The following SEPTIN6 variants were observed in gnomAD, a reference collection of about 807,000 sequenced individuals.
The protein encoded by SEPTIN6 is septin 6.
Under a neutral mutation model 33.6 loss-of-function variants are expected in SEPTIN6, and 8 were observed. The ratio of observed to expected loss-of-function variants is 0.24; its 90% confidence interval spans 0.14 to 0.43. The LOEUF (loss-of-function observed/expected upper bound fraction) is 0.43, where lower values mean the gene tolerates loss of function less well. Ranked by LOEUF, SEPTIN6 falls within the 20% of genes least tolerant of loss-of-function variation. The pLI is 1.00. For synonymous variants in SEPTIN6, 131 were observed against 140.0 expected (o/e 0.94, Z 0.45); for missense variants, 250 against 340.8 (o/e 0.73, Z 2.10).
In SEPTIN6 at chrX:119,673,841, CAAAAAAAAAA is replaced by C. The variant is rs774954935; in HGVS notation, c.145+1703_145+1712del. ...TGGGTGACAGCACAAGACTCTGTCT[CAAAAAAAAAA>C]AAAAAAAAAAGAAAGAAAGAAAAGA... On this transcript the variant is annotated intron_variant, in intron 2 of 10. Transcript: ENST00000394610. 5.2e-4 allele frequency among the ~76,000 whole-genome samples: 20 copies of C among 38,189 alleles called. 3 individuals are homozygous for C. The South Asian group carries it at 0.034, about 65-fold the overall frequency. 33.2% of individuals were successfully genotyped at this position (38,189 alleles called of 115,157 possible).
At chrX:119,667,719 G>A (rs2054668571) in intron 2 of SEPTIN6, among the ~76,000 whole-genome samples, 1 of 110,084 alleles carries the variant, frequency 9.1e-6, no homozygotes. Context: ...AGGCACACGT[G>A]ACCTAACTGG....
At chrX:119,663,456 C>CAA in intron 3 of SEPTIN6, 26 bp downstream of exon 3, 4 of 808,508 alleles carry the variant, frequency 4.9e-6, no homozygotes, top group Non-Finnish European at 7.3e-6. Context: ...CCTCCCCACC[C>CAA]TACCCCACCC....
chrX:119,623,533 T>A (rs2053802892), intron 10 of SEPTIN6, among the ~76,000 whole-genome samples: 2 of 111,505 alleles, frequency 1.8e-5, no homozygotes, highest in African/African-American at 6.5e-5. Context: ...CGGTAAAGTT[T>A]AAAAAAAATA....
intron 1 of SEPTIN6, among the ~76,000 whole-genome samples, chrX:119,675,891 G>A (rs746421688): frequency 2.7e-5 from 3 of 110,519 alleles, no homozygotes; most frequent in East Asian, 2.8e-4. Flanking sequence ...AGTGAATGTC[G>A]CCACAGCTCC....
downstream of SEPTIN6, chrX:119,616,560 C>A (rs748408728): frequency 3.4e-6 from 2 of 585,854 alleles, no homozygotes; most frequent in East Asian, 6.6e-5. Flanking sequence ...GAGCTTCTTG[C>A]CTGGACACAG....
intron 9 of SEPTIN6, among the ~76,000 whole-genome samples, chrX:119,626,110 C>T (rs1375610257): frequency 3.6e-5 from 4 of 112,098 alleles, no homozygotes; most frequent in Non-Finnish European, 7.5e-5. Context: ...ACAGGTCATT[C>T]TGTTAGGCCC....
chrX:119,637,973 C>T lies in SEPTIN6; in HGVS notation c.788-778G>A, dbSNP rs1355165709. 1.8e-5 allele frequency among the ~76,000 whole-genome samples: 2 copies of T among 112,184 alleles called. 1 individual carries two copies. The highest frequency in any genetic ancestry group is 1.9e-4 in the Admixed American group (2 of 10,496). On this transcript the variant is annotated intron_variant, in intron 6 of 10. Coordinates refer to ENST00000394610, the MANE Select transcript of SEPTIN6 (RefSeq NM_145799.4). ...TCTGGAAGGAAGAATAGCAATTTAT[C>T]AGCCAGAGAAGGGAATGGTGTTTGC...
intron 3 of SEPTIN6, among the ~76,000 whole-genome samples, chrX:119,655,118 A>G (rs1191377511): frequency 9.2e-6 from 1 of 108,909 alleles, no homozygotes; most frequent in Non-Finnish European, 1.9e-5. Context: ...TCCCCCACAC[A>G]CCCCGAAATC....
At chrX:119,670,040 C>T (rs2054714388) in intron 2 of SEPTIN6, among the ~76,000 whole-genome samples, 1 of 111,684 alleles carries the variant, frequency 9.0e-6, no homozygotes, top group Non-Finnish European at 1.9e-5. Flanking sequence ...TGCAAAGCAA[C>T]GGGCCCCAGA....
Position 119,629,279 on chromosome X carries a change from G to C in SEPTIN6, c.1280+39C>G, listed in dbSNP as rs374681144. On this transcript the variant is annotated intron_variant, in intron 9 of 10. Coordinates refer to ENST00000394610, the MANE Select transcript of SEPTIN6 (RefSeq NM_145799.4). ...CCTGCCCTGGGAGGATGAGCAGGAG[G>C]AAAGAGAAGGCACCACCCCAGAGCA... 3 of 1,176,996 alleles carry C rather than the reference G, an allele frequency of 2.5e-6. No homozygotes were observed. The African/African-American group carries it at 5.3e-5, about 21-fold the overall frequency.
chrX:119,634,958 G>A (rs901623651), intron 7 of SEPTIN6, among the ~76,000 whole-genome samples: 17 of 101,844 alleles, frequency 1.7e-4, no homozygotes, highest in Non-Finnish European at 3.0e-4. Context: ...GCAGTGAGCC[G>A]AGATTGTGCC....
At chrX:119,640,118 C>T (rs1360575449) in intron 6 of SEPTIN6, among the ~76,000 whole-genome samples, 2 of 102,687 alleles carry the variant, frequency 1.9e-5, no homozygotes, top group African/African-American at 7.1e-5. Context: ...AGCCCCAACA[C>T]GTAGTTTTTT....
At chrX:119,670,306 C>T (rs1391653202) in intron 2 of SEPTIN6, among the ~76,000 whole-genome samples, 1 of 110,491 alleles carries the variant, frequency 9.1e-6, no homozygotes, top group Non-Finnish European at 1.9e-5. Context: ...GCCTATAATC[C>T]CAGCATTTTG....
At chrX:119,671,268 A>G (rs1202506182) in intron 2 of SEPTIN6, among the ~76,000 whole-genome samples, 4 of 108,643 alleles carry the variant, frequency 3.7e-5, no homozygotes, top group Non-Finnish European at 7.7e-5. Flanking sequence ...CAACATAGTG[A>G]GACCTCATCT....
chrX:119,683,705 ATTTTAC>A (rs914712708), intron 1 of SEPTIN6, among the ~76,000 whole-genome samples: 6 of 111,621 alleles, frequency 5.4e-5, no homozygotes, highest in Non-Finnish European at 9.4e-5. Context: ...CAATAGGCAT[ATTTTAC>A]TTTTATAAAC....
intron 2 of SEPTIN6, among the ~76,000 whole-genome samples, chrX:119,668,907 A>C (rs1434729219): frequency 1.8e-5 from 2 of 111,114 alleles, no homozygotes; most frequent in Non-Finnish European, 3.8e-5. Context: ...CACTGAACCC[A>C]ATTTGTAGTC....
chrX:119,690,348 T>TACACACACACACACACACAC (rs1196119691), intron 1 of SEPTIN6, among the ~76,000 whole-genome samples: 2 of 75,015 alleles, frequency 2.7e-5, no homozygotes, highest in African/African-American at 1.4e-4. Context: ...TACATACACA[T>TACACACACACACACACACAC]ACACACACAC....
chrX:119,658,809 T>C (rs749974166), intron 3 of SEPTIN6, among the ~76,000 whole-genome samples: 3 of 112,503 alleles, frequency 2.7e-5, no homozygotes, highest in Non-Finnish European at 5.6e-5. Context: ...TGTACATAAG[T>C]ATTTCCCCTT....
intron 3 of SEPTIN6, among the ~76,000 whole-genome samples, chrX:119,654,747 A>G (rs1221233659): frequency 1.8e-5 from 2 of 111,181 alleles, no homozygotes; most frequent in Non-Finnish European, 3.8e-5. Flanking sequence ...GCAGGAGTGC[A>G]GTGGTGCGAT....
Sources: allele counts gnomAD v4.1 joint callset (sites outside exome capture counted in the v4.1 genomes callset), GRCh38; gene constraint gnomAD v4.1.1; transcripts MANE v1.5; gene names NCBI Gene and HGNC (gene_info 2026-07-23, HGNC 2026-07-21).